REDIC1: variants seen among roughly 807,000 people sequenced by gnomAD.
The protein encoded by REDIC1 is regulator of DNA class I crossover intermediates 1.
At chr12:39,696,430 C>T in the REDIC1 span, among the ~76,000 whole-genome samples, 1 of 148,466 alleles carries the variant, frequency 6.7e-6, no homozygotes, top group Non-Finnish European at 1.5e-5. Flanking sequence ...GTAGTCCCAG[C>T]TACTTGGGAG....
chr12:39,636,763 A>G, the REDIC1 span, among the ~76,000 whole-genome samples: 1 of 152,092 alleles, frequency 6.6e-6, no homozygotes, highest in Non-Finnish European at 1.5e-5. Context: ...AAAGAAGCAA[A>G]AAAGAACAAG....
the REDIC1 span, among the ~76,000 whole-genome samples, chr12:39,727,934 T>G: frequency 4.3e-4 from 66 of 152,330 alleles, 1 homozygote; most frequent in African/African-American, 1.5e-3. Flanking sequence ...GAGAGTTCAC[T>G]CATGATTTGA....
chr12:39,683,496 G>A, the REDIC1 span: 15 of 1,544,986 alleles, frequency 9.7e-6, no homozygotes, highest in Non-Finnish European at 1.3e-5. Context: ...TAAGTTTTTA[G>A]GTAAATCTGG....
At chr12:39,712,643 ATATT>A in the REDIC1 span, among the ~76,000 whole-genome samples, 12 of 145,384 alleles carry the variant, frequency 8.3e-5, no homozygotes, top group Admixed American at 6.2e-4. Flanking sequence ...ATACACATTT[ATATT>A]TATGTATATA....
the REDIC1 span, among the ~76,000 whole-genome samples, chr12:39,702,998 G>A: frequency 9.2e-5 from 14 of 152,160 alleles, no homozygotes; most frequent in Non-Finnish European, 7.3e-5. Flanking sequence ...GCAAAAACTG[G>A]AAGCATTCCC....
chr12:39,787,063 G>A, the REDIC1 span, among the ~76,000 whole-genome samples: 10 of 152,000 alleles, frequency 6.6e-5, no homozygotes, highest in African/African-American at 2.2e-4. Context: ...TAGATGTTAC[G>A]GTAAACCTCT....
chr12:39,788,144 T>C, the REDIC1 span, among the ~76,000 whole-genome samples: 1 of 152,178 alleles, frequency 6.6e-6, no homozygotes, highest in East Asian at 1.9e-4. Context: ...ATGTGAGGGA[T>C]ACATTCCAAG....
chr12:39,897,802 T>C, the REDIC1 span, among the ~76,000 whole-genome samples: 1 of 152,156 alleles, frequency 6.6e-6, no homozygotes, highest in African/African-American at 2.4e-5. Flanking sequence ...ATTACTTACA[T>C]TTGTTTGAAG....
At chr12:39,669,657 T>C in the REDIC1 span, among the ~76,000 whole-genome samples, 1 of 152,018 alleles carries the variant, frequency 6.6e-6, no homozygotes, top group African/African-American at 2.4e-5. Context: ...AGAGGTGGAG[T>C]CTACAGAGGC....
chr12:39,904,126 C>T, the REDIC1 span, among the ~76,000 whole-genome samples: 7 of 152,124 alleles, frequency 4.6e-5, no homozygotes, highest in Admixed American at 1.3e-4. Context: ...GCCCAAGCTT[C>T]CAAGGGTTTC....
chr12:39,830,588 G>C, the REDIC1 span: 1 of 587,690 alleles, frequency 1.7e-6, no homozygotes, highest in Non-Finnish European at 2.2e-6. Flanking sequence ...ATCCAGCCCT[G>C]ACTGGTTCCA....
At chr12:39,821,484 T>A in the REDIC1 span, among the ~76,000 whole-genome samples, 1 of 152,030 alleles carries the variant, frequency 6.6e-6, no homozygotes, top group African/African-American at 2.4e-5. Flanking sequence ...CAGAAGAGAA[T>A]AGATTATGTC....
chr12:39,776,217 G>C, the REDIC1 span, among the ~76,000 whole-genome samples: 1 of 152,094 alleles, frequency 6.6e-6, no homozygotes, highest in South Asian at 2.1e-4. Flanking sequence ...CCATTGTGCG[G>C]TTCCTTCATA....
chr12:39,841,646 C>A, the REDIC1 span, among the ~76,000 whole-genome samples: 1 of 151,866 alleles, frequency 6.6e-6, no homozygotes, highest in Non-Finnish European at 1.5e-5. Flanking sequence ...AGTCTTGATA[C>A]TTTTCAGAGT....
chr12:39,754,392 T>C, the REDIC1 span: 1 of 152,162 alleles, frequency 6.6e-6, no homozygotes, highest in Admixed American at 6.6e-5. Flanking sequence ...ACTTGGATTT[T>C]TGCCTTACCT....
the REDIC1 span, among the ~76,000 whole-genome samples, chr12:39,857,974 A>G: frequency 6.6e-6 from 1 of 152,214 alleles, no homozygotes; most frequent in Non-Finnish European, 1.5e-5. Context: ...AAAACAAAAC[A>G]AAAAACCAAG....
chr12:39,641,008 G>A, the REDIC1 span: 9 of 1,605,638 alleles, frequency 5.6e-6, no homozygotes, highest in African/African-American at 6.7e-5. Flanking sequence ...AAGAAAAAGT[G>A]TTTTTATTTT....
At chr12:39,678,281 A>C in the REDIC1 span, among the ~76,000 whole-genome samples, 2 of 152,292 alleles carry the variant, frequency 1.3e-5, no homozygotes, top group South Asian at 2.1e-4. Flanking sequence ...CAGAAATACA[A>C]ACAATTATTC....
chr12:39,677,259 T>C, the REDIC1 span, among the ~76,000 whole-genome samples: 3 of 152,220 alleles, frequency 2.0e-5, no homozygotes, highest in East Asian at 3.9e-4. Flanking sequence ...AGATATTCCA[T>C]GCAAACAGAA....
Sources: allele counts gnomAD v4.1 joint callset (sites outside exome capture counted in the v4.1 genomes callset), GRCh38; gene constraint gnomAD v4.1.1; transcripts MANE v1.5; gene names NCBI Gene and HGNC (gene_info 2026-07-23, HGNC 2026-07-21).